The following FAT1 variants were observed in gnomAD, a reference collection of about 807,000 sequenced individuals.
FAT1 encodes protocadherin Fat 1.
In FAT1, 171 loss-of-function variants were observed where a neutral mutation model predicts 329.8. The observed-to-expected ratio is 0.52, with a 90% CI of 0.46 to 0.59. The LOEUF (loss-of-function observed/expected upper bound fraction) is 0.59. Among genes scored for constraint, FAT1 ranks in the 20% least tolerant of loss-of-function variants. The pLI, the probability that FAT1 is intolerant of heterozygous loss-of-function variation, is 0.00. For synonymous variants in FAT1, 2,233 were observed against 2,228.6 expected, an observed-to-expected ratio of 1.00 and a Z score of -0.06; for missense variants, 5,672 against 5,774.4, an observed-to-expected ratio of 0.98 and a Z score of 0.57.
Position 186,606,061 on chromosome 4 carries a change from G to A in FAT1, c.10350+9C>T, listed in dbSNP as rs761160931. Reference sequence around the variant, plus strand: ...GAACCCCAGGACCACCTTGGCACTCGAAGCCCACCTGGATAATGACACTGT... The same window carrying A: ...GAACCCCAGGACCACCTTGGCACTCAAAGCCCACCTGGATAATGACACTGT... On this transcript the variant is annotated intron_variant, in intron 17 of 26. Transcript: ENST00000441802. 23 of 1,611,702 alleles carry A rather than the reference G, an allele frequency of 1.4e-5. No individual in the cohort carries two copies. Among genetic ancestry groups the A allele is most frequent in the South Asian group, 3.3e-5 (3 of 90,834 alleles).
intron 1 of FAT1, among the ~76,000 whole-genome samples, chr4:186,720,537 C>T (rs1012137701): frequency 6.6e-6 from 1 of 152,174 alleles, no homozygotes; most frequent in African/African-American, 2.4e-5. Flanking sequence ...CTCTGATTCA[C>T]ACTTCCCTCA....
At chr4:186,667,036 C>T (rs1042117325) in intron 2 of FAT1, among the ~76,000 whole-genome samples, 1 of 152,208 alleles carries the variant, frequency 6.6e-6, no homozygotes, top group African/African-American at 2.4e-5. Flanking sequence ...TTCTACATGT[C>T]AGTATTCAGC....
rs1175539563 is a variant in FAT1 at position 186,707,533 on chromosome 4, G to A, written c.2295C>T (p.Phe765=). The A allele has an allele frequency of 1.4e-5, 22 of 1,614,014 alleles. No individual in the cohort carries two copies. The highest frequency in any genetic ancestry group is 1.8e-5 in the Non-Finnish European group (21 of 1,179,894). The change falls in exon 2 of 27, where the codon TTC becomes TTT. Residue 765 remains phenylalanine, a synonymous_variant. Transcript: ENST00000441802. ...GCATTCCTGTTTCCATATCAATCAT[G>A]AAGCAACTATCCTCATTTCCTCCAG... ...AVSGGNEDSC[F]MIDMETGMLK... is the part of the protein sequence containing the mutation.
chr4:186,601,046 A>G (rs1274474508), intron 21 of FAT1, among the ~76,000 whole-genome samples: 3 of 152,186 alleles, frequency 2.0e-5, no homozygotes, highest in Non-Finnish European at 4.4e-5. Context: ...CTAGAGTTTG[A>G]ATGTTAACTG....
At chr4:186,614,001 A>T (rs574480094) in intron 12 of FAT1, among the ~76,000 whole-genome samples, 190 bp downstream of exon 12, 1 of 152,164 alleles carries the variant, frequency 6.6e-6, no homozygotes, top group Non-Finnish European at 1.5e-5. Flanking sequence ...GCTGTTTTTT[A>T]AAAAATCTCA....
At chr4:186,598,243 ACT>A (rs1483527383) in intron 22 of FAT1, 118 bp from the exon 23 acceptor site, 4 of 1,037,238 alleles carry the variant, frequency 3.9e-6, no homozygotes, top group Non-Finnish European at 5.3e-6. Context: ...TAAAATTCTC[ACT>A]CTCTCTGGGA....
rs111565183 is a variant in FAT1, at chr4:186,691,515, G to A, written c.3265+15048C>T. 7.9e-5 allele frequency among the ~76,000 whole-genome samples: 12 copies of A among 152,306 alleles called. No homozygotes were observed. In the South Asian group the frequency reaches 1.2e-3, roughly 16 times the overall value. The stretch of plus-strand genomic sequence containing the variant: ...TGTTAGAAACAAGGCCACTGAGCCA[G>A]GCGTGACAGGCATGTTGGCTCACAT... On this transcript the variant is annotated intron_variant, in intron 2 of 26. Coordinates refer to ENST00000441802, the MANE Select transcript of FAT1 (RefSeq NM_005245.4).
intron 14 of FAT1, 180 bp from the exon 15 acceptor site, chr4:186,610,195 C>T: frequency 1.7e-6 from 1 of 573,564 alleles, no homozygotes; most frequent in East Asian, 2.9e-5. Context: ...CTGCCCATCC[C>T]TGGATCTTTA....
intron 14 of FAT1, 191 bp from the exon 15 acceptor site, chr4:186,610,206 T>A (rs1305286066): frequency 1.1e-5 from 6 of 564,516 alleles, no homozygotes. Context: ...TGGATCTTTA[T>A]TTCTCTTAAT....
At chr4:186,657,296 C>T (rs763308015) in intron 3 of FAT1, among the ~76,000 whole-genome samples, 10 of 152,126 alleles carry the variant, frequency 6.6e-5, no homozygotes, top group African/African-American at 1.7e-4. Context: ...AAAGGATACA[C>T]AGCAATGAAA....
At chr4:186,610,721 TATATAA>T (rs1739405290) in intron 14 of FAT1, among the ~76,000 whole-genome samples, 1 of 110,998 alleles carries the variant, frequency 9.0e-6, no homozygotes, top group South Asian at 2.3e-4. Context: ...TTATATAATT[TATATAA>T]ATATAAATTT....
rs375893948 is a variant in FAT1 at position 186,588,799 on chromosome 4, C to G, written c.13560G>C (p.Pro4520=). Residue 4520 remains proline, a synonymous_variant, in exon 27 of 27, where the codon CCG becomes CCC. Coordinates refer to ENST00000441802, the MANE Select transcript of FAT1 (RefSeq NM_005245.4). ...CCTCGAAGTGTCTTTGATACCCTGG[C>G]GGGTAAGGGGCATGGGGTTCTCTAC... ...STCREPHAPY[P]PGYQRHFEAP... is the part of the protein sequence containing the mutation. The G allele has an allele frequency of 1.1e-5, 18 of 1,613,802 alleles. No homozygotes were observed. The highest frequency in any genetic ancestry group is 1.5e-5 in the Non-Finnish European group (18 of 1,179,864).
chr4:186,717,855 C>G (rs772415064), intron 1 of FAT1, among the ~76,000 whole-genome samples: 4 of 152,132 alleles, frequency 2.6e-5, no homozygotes, highest in Non-Finnish European at 5.9e-5. Flanking sequence ...TCCTTATCCT[C>G]CAACCACTTT....
In FAT1 at chr4:186,604,592, CAA is replaced by C; in HGVS notation, c.10351-20_10351-19del. On this transcript the variant is annotated intron_variant, in intron 17 of 26. Transcript: ENST00000441802. ...TTATTTTCCTGCACAAGATTAGAAA[CAA>C]AATTAAACAAAAATCCTGGAACACA... 6.4e-7 allele frequency: 1 copy of C among 1,561,200 alleles called. No homozygotes were observed. Among genetic ancestry groups the C allele is most frequent in the East Asian group, 2.3e-5 (1 of 44,034 alleles).
At position 186,707,697 on chromosome 4, in the gene FAT1, C is replaced by T. The variant is rs543637454; in HGVS notation, c.2131G>A (p.Ala711Thr). ...DIFFDSHSVN[A>T]HIPQFRSTLP... is the part of the protein sequence containing the mutation. ...GTGCTTCTAAACTGCGGTATGTGAG[C>T]ATTGACAGAGTGAGAATCGAAGAAA... The change falls in exon 2 of 27, where the codon GCT becomes ACT. Residue 711 changes from alanine to threonine, a missense_variant. By Grantham distance (58) the Ala-to-Thr change is moderately conservative. Around this residue, in one of 2 missense-constraint regions of FAT1, gnomAD observed 3,966 missense variants for 3,915.2 expected, o/e 1.01. Transcript: ENST00000441802. The T allele has an allele frequency of 6.2e-7, 1 of 1,613,868 alleles. No individual in the cohort carries two copies. Among genetic ancestry groups the T allele is most frequent in the African/African-American group, 1.3e-5 (1 of 75,004 alleles).
chr4:186,675,430 G>A (rs772869902), intron 2 of FAT1, among the ~76,000 whole-genome samples: 1 of 151,958 alleles, frequency 6.6e-6, no homozygotes, highest in Non-Finnish European at 1.5e-5. Context: ...TTGCGCCACC[G>A]CACTCCATCC....
Position 186,595,544 on chromosome 4 carries a change from G to A in FAT1, c.13138+145C>T, listed in dbSNP as rs879155241. The A allele has an allele frequency of 6.0e-6, 5 of 833,462 alleles. No individual in the cohort carries two copies. The South Asian group carries it at 9.4e-5, about 16-fold the overall frequency. 51.6% of individuals were successfully genotyped at this position (833,462 alleles called of 1,614,324 possible). The stretch of plus-strand genomic sequence containing the variant: ...TTTTCCCCAGCAGACATTCATGCAA[G>A]TATGTATGGTATTGTTTAAAAGTGG... On this transcript the variant is annotated intron_variant, in intron 26 of 26. Coordinates refer to ENST00000441802, the MANE Select transcript of FAT1 (RefSeq NM_005245.4).
At chr4:186,637,657 AC>A (rs1740894354) in intron 4 of FAT1, among the ~76,000 whole-genome samples, 1 of 152,196 alleles carries the variant, frequency 6.6e-6, no homozygotes, top group African/African-American at 2.4e-5. Flanking sequence ...TCCCTAAGAG[AC>A]CATTTCACCC....
intron 3 of FAT1, among the ~76,000 whole-genome samples, chr4:186,647,284 T>G (rs1361150808): frequency 1.3e-5 from 2 of 152,158 alleles, no homozygotes; most frequent in Non-Finnish European, 2.9e-5. Flanking sequence ...GGTAGGCATT[T>G]TATATGCGTC....
Sources: gnomAD v4.1 joint callset for allele counts (sites outside exome capture counted in the v4.1 genomes callset) on GRCh38, gnomAD v4.1.1 for gene constraint, gnomAD v4.1.1 regional missense constraint, MANE v1.5 for transcripts, NCBI Gene and HGNC (gene_info 2026-07-23, HGNC 2026-07-21) for gene names.